The following BUB1B variants were observed in gnomAD, a reference collection of about 807,000 sequenced individuals.
BUB1B encodes the protein BUB1 mitotic checkpoint serine/threonine kinase B.
Under a neutral mutation model 137.7 loss-of-function variants are expected in BUB1B, and 86 were observed. The ratio of observed to expected loss-of-function variants is 0.62; its 90% CI spans 0.52 to 0.75. BUB1B has a LOEUF of 0.75. BUB1B is among the 30% of genes least tolerant of loss of function. The pLI, the probability that BUB1B is intolerant of heterozygous loss-of-function variation, is 0.00. For missense variants in BUB1B, 1,130 were observed against 1,236.9 expected (o/e 0.91, Z 1.30); for synonymous variants, 420 against 417.9 (o/e 1.00, Z -0.06).
At chr15:40,193,666 T>G (rs2037464202) in intron 8 of BUB1B, among the ~76,000 whole-genome samples, 1 of 151,754 alleles carries the variant, frequency 6.6e-6, no homozygotes, top group South Asian at 2.1e-4. Context: ...CCCAGTACTT[T>G]GGAAGGTGAG....
chr15:40,187,130 A>AT (rs11446094), intron 8 of BUB1B: 102,146 of 143,816 alleles, frequency 0.71, 36,692 homozygotes, highest in African/African-American at 0.82. Context: ...TACAAAACAA[A>AT]TTTTTTTTTT....
In BUB1B at chr15:40,213,378, T is replaced by G. The variant is rs1566828619; in HGVS notation, c.2582T>G (p.Leu861Trp). ...TATATTACCCATGAAATAACAGTGTTGATTATTTATAACCTTTTGACAATA... is the reference window on the plus strand; with the variant it reads ...TATATTACCCATGAAATAACAGTGTGGATTATTTATAACCTTTTGACAATA... ...SEYITHEITV[L>W]IIYNLLTIVE... Residue 861 changes from leucine to tryptophan, a missense_variant, in exon 20 of 23, where the codon TTG becomes TGG. Transcript: ENST00000287598. 6.2e-7 allele frequency: 1 copy of G among 1,613,754 alleles called. No homozygotes were observed. Among genetic ancestry groups the G allele is most frequent in the Non-Finnish European group, 8.5e-7 (1 of 1,179,654 alleles).
chr15:40,213,663 G>GTAA (rs796930805), intron 20 of BUB1B, among the ~76,000 whole-genome samples, 189 bp downstream of exon 20: 1 of 151,944 alleles, frequency 6.6e-6, no homozygotes, highest in African/African-American at 2.4e-5. Flanking sequence ...AACCTTGCTA[G>GTAA]TAGCTGGGAC....
At chr15:40,196,845 T>G (rs766501748) in intron 9 of BUB1B, 71 bp downstream of exon 9, 21 of 1,346,856 alleles carry the variant, frequency 1.6e-5, no homozygotes, top group Non-Finnish European at 2.2e-5. Context: ...CTATTAAGTC[T>G]GAAGAAAACT....
rs533888815 is a variant in BUB1B, at chr15:40,220,451, C to G, written c.2958-113C>G. On this transcript the variant is annotated intron_variant, in intron 22 of 22. Coordinates refer to ENST00000287598, the MANE Select transcript of BUB1B (RefSeq NM_001211.6). ...TTGAATGATCTCTAACCCTAGAGTTCTAGGTATTACCTTACACCATTTTGG... is the reference window on the plus strand; with the variant it reads ...TTGAATGATCTCTAACCCTAGAGTTGTAGGTATTACCTTACACCATTTTGG... 2.5e-5 allele frequency: 27 copies of G among 1,063,672 alleles called. No homozygotes were observed. The African/African-American group carries it at 4.2e-4, about 17-fold the overall frequency. 65.9% of individuals were successfully genotyped at this position (1,063,672 alleles called of 1,614,324 possible).
At chr15:40,172,031 C>T (rs920220051) in intron 4 of BUB1B, among the ~76,000 whole-genome samples, 16 of 151,470 alleles carry the variant, frequency 1.1e-4, no homozygotes, top group Admixed American at 1.3e-4. Flanking sequence ...AAATAAATCT[C>T]TTGGCATTAA....
At position 40,161,181 on chromosome 15, in the gene BUB1B, A is replaced by G; in HGVS notation, c.-40A>G. 1.2e-6 allele frequency: 2 copies of G among 1,610,388 alleles called. No homozygotes were observed. Among genetic ancestry groups the G allele is most frequent in the Non-Finnish European group, 1.7e-6 (2 of 1,178,240 alleles). On this transcript the variant is annotated 5_prime_UTR_variant, in exon 1 of 23. Coordinates refer to ENST00000287598, the MANE Select transcript of BUB1B (RefSeq NM_001211.6). ...CCAGGCGGTCTGTGGCCCAGAGGAA[A>G]GGCCTGCAGCAGGACGAGGACCTGA...
intron 3 of BUB1B, 21 bp from the exon 4 acceptor site, chr15:40,170,516 T>G: frequency 6.2e-7 from 1 of 1,612,940 alleles, no homozygotes; most frequent in African/African-American, 1.3e-5. Flanking sequence ...AATGTGTTCT[T>G]ATCTTTTTCC....
intron 8 of BUB1B, chr15:40,186,867 C>G (rs1031794801): frequency 1.3e-5 from 2 of 151,916 alleles, no homozygotes; most frequent in African/African-American, 2.4e-5. Context: ...AAAATTCTGC[C>G]TAAGTGCTCA....
intron 4 of BUB1B, among the ~76,000 whole-genome samples, chr15:40,174,421 T>C (rs2037200817): frequency 1.3e-5 from 2 of 152,248 alleles, no homozygotes; most frequent in Admixed American, 1.3e-4. Context: ...TTTGTTGTAC[T>C]AGACCATGAT....
chr15:40,212,678 T>C (rs2037729537), intron 19 of BUB1B, 30 bp downstream of exon 19: 1 of 1,600,870 alleles, frequency 6.2e-7, no homozygotes, highest in Non-Finnish European at 8.5e-7. Flanking sequence ...TAATTTAAAG[T>C]CCTGAAGTAG....
At chr15:40,173,917 C>T in intron 4 of BUB1B, 1 of 417,378 alleles carries the variant, frequency 2.4e-6, no homozygotes, top group Non-Finnish European at 4.7e-6. Flanking sequence ...TTTTATGTGA[C>T]TCCTACAGTC....
At chr15:40,200,396 G>C (rs1305901414) in intron 11 of BUB1B, 37 bp downstream of exon 11, 1 of 1,542,212 alleles carries the variant, frequency 6.5e-7, no homozygotes, top group Non-Finnish European at 9.0e-7. Context: ...ATGCATATAG[G>C]AGGGCATTTA....
rs773515346 is a variant in BUB1B, at chr15:40,217,575, G to A, written c.2758G>A (p.Val920Met). The A allele has an allele frequency of 1.9e-6, 3 of 1,614,158 alleles. No individual in the cohort carries two copies. The highest frequency in any genetic ancestry group is 1.7e-6 in the Non-Finnish European group (2 of 1,180,010). The stretch of plus-strand genomic sequence containing the variant: ...CTTTTCCTACAGTGTTGACCTTAGG[G>A]TGCAGCTGGATGTTTTTACCCTCAG... ...VDFSYSVDLR[V>M]QLDVFTLSGF... is the part of the protein sequence containing the mutation. Residue 920 changes from valine to methionine, a missense_variant, in exon 21 of 23, where the codon GTG becomes ATG. By Grantham distance (21) the Val-to-Met change is conservative (BLOSUM62 1). Coordinates refer to ENST00000287598, the MANE Select transcript of BUB1B (RefSeq NM_001211.6).
intron 8 of BUB1B, among the ~76,000 whole-genome samples, chr15:40,191,992 A>G (rs899060451): frequency 6.6e-6 from 1 of 152,088 alleles, no homozygotes; most frequent in Non-Finnish European, 1.5e-5. Context: ...GTAATTCCTT[A>G]TACATTTTAA....
intron 5 of BUB1B, among the ~76,000 whole-genome samples, chr15:40,177,944 C>T (rs2037241409): frequency 6.6e-6 from 1 of 151,522 alleles, no homozygotes; most frequent in Non-Finnish European, 1.5e-5. Flanking sequence ...TTCTCCCTTT[C>T]TCCTGATACT....
chr15:40,177,707 C>T (rs2037238687), intron 5 of BUB1B, among the ~76,000 whole-genome samples: 1 of 151,460 alleles, frequency 6.6e-6, no homozygotes, highest in African/African-American at 2.4e-5. Flanking sequence ...GTTCATTTGA[C>T]TTTCTATATA....
chr15:40,185,037 ATTTCT>A, intron 6 of BUB1B, 123 bp from the exon 7 acceptor site: 1 of 738,082 alleles, frequency 1.4e-6, no homozygotes, highest in Non-Finnish European at 2.2e-6. Flanking sequence ...TATTTTTAAA[ATTTCT>A]TTTTTTTTTT....
At chr15:40,187,483 C>T (rs767908408) in intron 8 of BUB1B, among the ~76,000 whole-genome samples, 13 of 151,724 alleles carry the variant, frequency 8.6e-5, no homozygotes, top group East Asian at 1.9e-4. Context: ...CCTAACTACT[C>T]GAGTGGCTGA....
Sources: gnomAD v4.1 joint callset for allele counts (sites outside exome capture counted in the v4.1 genomes callset) on GRCh38, gnomAD v4.1.1 for gene constraint, MANE v1.5 for transcripts, NCBI Gene and HGNC (gene_info 2026-07-23, HGNC 2026-07-21) for gene names.